The following TENM1 variants were observed in gnomAD, a reference collection of about 807,000 sequenced individuals.
TENM1 encodes the protein teneurin transmembrane protein 1.
A neutral mutation model predicts 174.8 loss-of-function variants in TENM1; 35 were observed. That is an observed-to-expected ratio of 0.20 (90% CI 0.15 to 0.27). The LOEUF is 0.27. Ranked by LOEUF, TENM1 falls within the 10% of genes least tolerant of loss-of-function variation. The pLI is 1.00. For missense variants in TENM1, 1,633 were observed against 2,130.1 expected, an observed-to-expected ratio of 0.77 and a Z score of 4.59; for synonymous variants, 781 against 798.7, an observed-to-expected ratio of 0.98 and a Z score of 0.37.
intron 4 of TENM1, among the ~76,000 whole-genome samples, chrX:124,721,235 C>T (rs1021049453): frequency 9.0e-6 from 1 of 111,531 alleles, no homozygotes; most frequent in Non-Finnish European, 1.9e-5. Context: ...AAATTTGCAA[C>T]GGATATCCTG....
the TENM1 span, among the ~76,000 whole-genome samples, chrX:125,122,113 T>G: frequency 9.0e-6 from 1 of 111,652 alleles, no homozygotes; most frequent in African/African-American, 3.3e-5. Flanking sequence ...GAAAGAACCA[T>G]GAAGTCTGCT....
In TENM1 at chrX:124,727,516, A is replaced by G. The variant is rs760162915; in HGVS notation, c.776+9441T>C. Among the ~76,000 whole-genome samples, 4 of 111,957 alleles carry G rather than the reference A, an allele frequency of 3.6e-5. No homozygotes were observed. The East Asian group carries it at 8.5e-4, about 24-fold the overall frequency. ...CAATTCCACTTAAAAGTGAACCTGG[A>G]TGAAGAGGCTGAGAAGCAAAGGGAA... is the stretch of plus-strand genomic sequence containing the variant. On this transcript the variant is annotated intron_variant, in intron 4 of 31. Transcript: ENST00000422452.
intron 6 of TENM1, among the ~76,000 whole-genome samples, chrX:124,668,436 C>G (rs1384536534): frequency 2.7e-5 from 3 of 112,114 alleles, no homozygotes; most frequent in South Asian, 3.8e-4. Context: ...ATAGCGAAGA[C>G]TTGGAACCAA....
chrX:125,143,741 T>C, the TENM1 span, among the ~76,000 whole-genome samples: 1 of 112,156 alleles, frequency 8.9e-6, no homozygotes, highest in Non-Finnish European at 1.9e-5. Flanking sequence ...ACATAGCATT[T>C]ACTTCATCTA....
At chrX:125,001,910 A>G in the TENM1 span, among the ~76,000 whole-genome samples, 2 of 81,337 alleles carry the variant, frequency 2.5e-5, no homozygotes, top group Non-Finnish European at 4.7e-5. Flanking sequence ...CCTCCAGTCC[A>G]TCTGTCTAGA....
At chrX:124,761,671 A>G (rs1394447513) in intron 3 of TENM1, among the ~76,000 whole-genome samples, 1 of 110,815 alleles carries the variant, frequency 9.0e-6, no homozygotes, top group Non-Finnish European at 1.9e-5. Context: ...GTGCACACGT[A>G]CCCTAGAACT....
chrX:124,925,583 A>C (rs2058082152), intron 1 of TENM1, among the ~76,000 whole-genome samples: 1 of 112,428 alleles, frequency 8.9e-6, no homozygotes. Context: ...ATTAATGTGC[A>C]ATTTTGGCTA....
chrX:124,721,902 C>T (rs902157505), intron 4 of TENM1, among the ~76,000 whole-genome samples: 11 of 112,296 alleles, frequency 9.8e-5, no homozygotes, highest in African/African-American at 3.6e-4. Context: ...TATATATGTA[C>T]ACATGCCTAT....
At chrX:124,898,459 T>C (rs1241612403) in intron 1 of TENM1, among the ~76,000 whole-genome samples, 1 of 110,493 alleles carries the variant, frequency 9.1e-6, no homozygotes, top group Non-Finnish European at 1.9e-5. Context: ...GTGTCTCCAT[T>C]TATTTCCCCT....
intron 15 of TENM1, among the ~76,000 whole-genome samples, chrX:124,545,877 T>TA (rs1309850497): frequency 2.0e-4 from 22 of 108,923 alleles, no homozygotes; most frequent in African/African-American, 5.7e-4. Context: ...AACTACACAA[T>TA]AAAAAAAAAA....
chrX:124,448,715 C>T (rs1229190704), intron 23 of TENM1, among the ~76,000 whole-genome samples: 1 of 111,713 alleles, frequency 9.0e-6, no homozygotes, highest in African/African-American at 3.3e-5. Context: ...ATGCATGTTC[C>T]AGGAACACAC....
At chrX:124,909,554 T>G (rs2057803385) in intron 1 of TENM1, among the ~76,000 whole-genome samples, 1 of 112,441 alleles carries the variant, frequency 8.9e-6, no homozygotes, top group Admixed American at 9.4e-5. Context: ...TTGTTCTATA[T>G]GAGTTTAATG....
At chrX:124,381,435 T>G in intron 31 of TENM1, 141 bp from the exon 35 acceptor site, 1 of 544,524 alleles carries the variant, frequency 1.8e-6, no homozygotes, top group Non-Finnish European at 2.9e-6. Flanking sequence ...ATAAGCCAGA[T>G]TTGGAATCTC....
At chrX:124,463,788 G>C (rs1383943219) in intron 22 of TENM1, among the ~76,000 whole-genome samples, 1 of 109,319 alleles carries the variant, frequency 9.1e-6, no homozygotes, top group Admixed American at 9.9e-5. Flanking sequence ...AGTGAAACCA[G>C]ACACTGATAA....
intron 22 of TENM1, among the ~76,000 whole-genome samples, chrX:124,479,419 C>T (rs10081827): frequency 0.01 from 1,168 of 111,621 alleles, 16 homozygotes; most frequent in African/African-American, 0.035. Flanking sequence ...AGGAAGCTCT[C>T]GGATAGAAGG....
exon 18 of TENM1, chrX:124,520,744 C>G (rs1315924415): frequency 1.7e-6 from 2 of 1,200,627 alleles, no homozygotes; most frequent in Non-Finnish European, 2.2e-6. Flanking sequence ...GTAACTCAGC[C>G]TCACAAAGCT....
Position 124,754,356 on chromosome X carries a change from C to T in TENM1, c.536-17159G>A, listed in dbSNP as rs376869104. 1.6e-4 allele frequency among the ~76,000 whole-genome samples: 18 copies of T among 111,288 alleles called. No individual in the cohort carries two copies. In the South Asian group the frequency reaches 5.7e-3, roughly 35 times the overall value. ...ACATCCCCTTTACCATTTTTTATTGCGTCTATTTGATTCTTCTCTCTTTTC... is the reference window on the plus strand; with the variant it reads ...ACATCCCCTTTACCATTTTTTATTGTGTCTATTTGATTCTTCTCTCTTTTC... On this transcript the variant is annotated intron_variant, in intron 3 of 31. Transcript: ENST00000422452.
At chrX:124,645,099 G>C (rs879162673) in intron 10 of TENM1, 44 bp downstream of exon 13, 4 of 1,158,592 alleles carry the variant, frequency 3.5e-6, no homozygotes, top group Middle Eastern at 2.4e-4. Flanking sequence ...GGACAACTGA[G>C]TGAGAGAAAA....
chrX:124,861,913 A>G (rs1319475849), intron 3 of TENM1, among the ~76,000 whole-genome samples: 1 of 112,009 alleles, frequency 8.9e-6, no homozygotes, highest in African/African-American at 3.2e-5. Context: ...TCATTTGACT[A>G]ATTGTGATTG....
Sources: allele counts gnomAD v4.1 joint callset (sites outside exome capture counted in the v4.1 genomes callset), GRCh38; gene constraint gnomAD v4.1.1; transcripts MANE v1.5; gene names NCBI Gene and HGNC (gene_info 2026-07-23, HGNC 2026-07-21).